The following OTULINL variants were observed in gnomAD, a reference collection of about 807,000 sequenced individuals.
OTULINL encodes the protein inactive ubiquitin thioesterase OTULINL.
A neutral mutation model predicts 43.9 loss-of-function variants in OTULINL; 42 were observed. The ratio of observed to expected loss-of-function variants is 0.96; its 90% CI spans 0.75 to 1.24. The LOEUF (loss-of-function observed/expected upper bound fraction) is 1.24. Among genes scored for constraint, OTULINL ranks in the 50% most tolerant of loss-of-function variants. The pLI is 0.00. For missense variants in OTULINL, 411 were observed against 426.4 expected, an observed-to-expected ratio of 0.96 and a Z score of 0.32; for synonymous variants, 172 against 153.6, an observed-to-expected ratio of 1.12 and a Z score of -0.88.
intron 5 of OTULINL, 118 bp downstream of exon 5, chr5:14,602,450 T>G: frequency 2.1e-6 from 2 of 960,238 alleles, no homozygotes. Flanking sequence ...ATTTTTTTGT[T>G]TTTTTGAGAC....
intron 1 of OTULINL, among the ~76,000 whole-genome samples, chr5:14,591,227 C>G (rs1391771623): frequency 1.3e-5 from 2 of 152,200 alleles, no homozygotes; most frequent in Admixed American, 1.3e-4. Flanking sequence ...CTAAAGATCC[C>G]AGAACTGGCC....
chr5:14,591,993 C>T (rs1759212213), intron 1 of OTULINL, among the ~76,000 whole-genome samples: 1 of 152,052 alleles, frequency 6.6e-6, no homozygotes, highest in Non-Finnish European at 1.5e-5. Flanking sequence ...GGATTGGAGC[C>T]CTGTGTGTAT....
chr5:14,588,583 A>G (rs1298580276), intron 1 of OTULINL, among the ~76,000 whole-genome samples: 1 of 152,222 alleles, frequency 6.6e-6, no homozygotes, highest in Admixed American at 6.5e-5. Context: ...TGGTGGAGTA[A>G]CAGAACAGCC....
chr5:14,602,180 T>C lies in OTULINL; in HGVS notation c.349-3T>C, dbSNP rs777433281. On this transcript the variant is annotated splice_region_variant and splice_polypyrimidine_tract_variant and intron_variant, in intron 4 of 7. Coordinates refer to ENST00000274217, the MANE Select transcript of OTULINL (RefSeq NM_019018.3). ...AAACAACTTTCTCTTTTTATTTTAT[T>C]AGGCTTATGAGGAGCTATTTTGGCG... 1 of 1,566,644 alleles carries C rather than the reference T, an allele frequency of 6.4e-7. No individual in the cohort carries two copies. Among genetic ancestry groups the C allele is most frequent in the East Asian group, 2.3e-5 (1 of 43,572 alleles).
Position 14,609,744 on chromosome 5 carries a change from C to T in OTULINL, c.898-397C>T, listed in dbSNP as rs982567496. Among the ~76,000 whole-genome samples, 36 of 152,052 alleles carry T rather than the reference C, an allele frequency of 2.4e-4. No individual in the cohort carries two copies. In the East Asian group the frequency reaches 6.2e-3, roughly 26 times the overall value. On this transcript the variant is annotated intron_variant, in intron 7 of 7. Transcript: ENST00000274217. ...CTTCCGGGTTCACGCCATTCTCCTG[C>T]CTCAGCCTCCCGAGTAGCTGGGACT... is the stretch of plus-strand genomic sequence containing the variant.
rs997742753 is a variant in OTULINL at position 14,583,210 on chromosome 5, A to T, written c.64+1252A>T. Among the ~76,000 whole-genome samples, 8 of 152,354 alleles carry T rather than the reference A, an allele frequency of 5.3e-5. No individual in the cohort carries two copies. The East Asian group carries it at 1.2e-3, about 22-fold the overall frequency. On this transcript the variant is annotated intron_variant, in intron 1 of 7. Coordinates refer to ENST00000274217, the MANE Select transcript of OTULINL (RefSeq NM_019018.3). The stretch of plus-strand genomic sequence containing the variant: ...ACCTTTCTGGGAGTCAGAGGACATC[A>T]TTCTGATGTGTCCTCATCCATAAAA...
At chr5:14,588,983 G>A (rs887983965) in intron 1 of OTULINL, among the ~76,000 whole-genome samples, 1 of 152,176 alleles carries the variant, frequency 6.6e-6, no homozygotes, top group African/African-American at 2.4e-5. Context: ...GGAGAGAACG[G>A]ACCCTGGGGG....
chr5:14,607,849 C>T (rs1759509167), intron 6 of OTULINL, among the ~76,000 whole-genome samples: 2 of 152,294 alleles, frequency 1.3e-5, no homozygotes, highest in African/African-American at 2.4e-5. Context: ...AGACTTCTTC[C>T]TGTCTTTCAA....
chr5:14,588,321 G>A (rs539984496), intron 1 of OTULINL, among the ~76,000 whole-genome samples: 14 of 152,116 alleles, frequency 9.2e-5, no homozygotes, highest in Non-Finnish European at 1.8e-4. Flanking sequence ...GCTCACAGGG[G>A]AGGAAGCTGA....
Position 14,600,953 on chromosome 5 carries a change from T to C in OTULINL, c.65-12T>C. 8.3e-7 allele frequency: 1 copy of C among 1,206,472 alleles called. No individual in the cohort carries two copies. The highest frequency in any genetic ancestry group is 1.0e-6 in the Non-Finnish European group (1 of 972,370). 74.7% of individuals were successfully genotyped at this position (1,206,472 alleles called of 1,614,324 possible). A position where few individuals can be genotyped will look rare whatever the true frequency, so the allele number is the denominator to read the frequency against. On this transcript the variant is annotated splice_polypyrimidine_tract_variant and intron_variant, in intron 1 of 7. Coordinates refer to ENST00000274217, the MANE Select transcript of OTULINL (RefSeq NM_019018.3). ...TGTGCTTTTTTTTTTTTTTTTTTTG[T>C]AATTTTCATAGGAAGTGACCAAGTT...
At chr5:14,591,080 A>G (rs1250031072) in intron 1 of OTULINL, among the ~76,000 whole-genome samples, 1 of 152,178 alleles carries the variant, frequency 6.6e-6, no homozygotes, top group Non-Finnish European at 1.5e-5. Flanking sequence ...GATTCTGAGT[A>G]ATGGAAAAGT....
chr5:14,594,667 C>G (rs1439889443), intron 1 of OTULINL, among the ~76,000 whole-genome samples: 1 of 152,194 alleles, frequency 6.6e-6, no homozygotes, highest in African/African-American at 2.4e-5. Flanking sequence ...CCTTCCCAGC[C>G]CGTCCCTGTC....
At chr5:14,587,224 G>A (rs999826916) in intron 1 of OTULINL, among the ~76,000 whole-genome samples, 2 of 152,198 alleles carry the variant, frequency 1.3e-5, no homozygotes, top group Non-Finnish European at 2.9e-5. Flanking sequence ...GACCTGTGAC[G>A]AGAAGGCCTC....
intron 1 of OTULINL, among the ~76,000 whole-genome samples, chr5:14,595,502 GT>G (rs1362582944): frequency 6.6e-6 from 1 of 151,486 alleles, no homozygotes; most frequent in Admixed American, 6.6e-5. Flanking sequence ...GTGTCTTTTA[GT>G]TTTGTTTTCA....
At chr5:14,602,126 A>T in intron 4 of OTULINL, 57 bp from the exon 5 acceptor site, 1 of 1,387,486 alleles carries the variant, frequency 7.2e-7, no homozygotes, top group Admixed American at 2.7e-5. Flanking sequence ...CAGTGAATTC[A>T]CTTTATTTTC....
At chr5:14,599,255 G>A (rs1224797371) in intron 1 of OTULINL, among the ~76,000 whole-genome samples, 1 of 152,218 alleles carries the variant, frequency 6.6e-6, no homozygotes, top group African/African-American at 2.4e-5. Flanking sequence ...TTGGGAGGCT[G>A]AGGTGGGCGG....
At position 14,607,471 on chromosome 5, in the gene OTULINL, G is replaced by T; in HGVS notation, c.627+13G>T. On this transcript the variant is annotated intron_variant, in intron 6 of 7. Transcript: ENST00000274217. ...ATTGAAAACACAGGTAAGTGTTTGCGGGGGAAATAAAAAGACTAGGAATAA... is the reference window on the plus strand; with the variant it reads ...ATTGAAAACACAGGTAAGTGTTTGCTGGGGAAATAAAAAGACTAGGAATAA... The T allele has an allele frequency of 6.2e-7, 1 of 1,612,594 alleles. No homozygotes were observed. The highest frequency in any genetic ancestry group is 1.1e-5 in the South Asian group (1 of 90,720).
chr5:14,591,319 A>G lies in OTULINL; in HGVS notation c.64+9361A>G, dbSNP rs377396191. 8.5e-5 allele frequency among the ~76,000 whole-genome samples: 13 copies of G among 152,236 alleles called. No individual in the cohort carries two copies. The East Asian group carries it at 1.2e-3, about 14-fold the overall frequency. ...TACAGATGTCAGAGATTAAAAATAT[A>G]TTTTTCTAAGTCAGCTCAGTGACAT... On this transcript the variant is annotated intron_variant, in intron 1 of 7. Transcript: ENST00000274217.
At position 14,581,800 on chromosome 5, in the gene OTULINL, G is replaced by A. The variant is rs1759000088; in HGVS notation, c.-95G>A. On this transcript the variant is annotated 5_prime_UTR_variant, in exon 1 of 8. Transcript: ENST00000274217. ...CCCGCCCTCCCCAGCCCGCCTCAGGGAAGCGAGCCCGGGCGCCGGCGGGCG... is the reference window on the plus strand; with the variant it reads ...CCCGCCCTCCCCAGCCCGCCTCAGGAAAGCGAGCCCGGGCGCCGGCGGGCG... 8 of 1,056,876 alleles carry A rather than the reference G, an allele frequency of 7.6e-6. No homozygotes were observed. Among genetic ancestry groups the A allele is most frequent in the Non-Finnish European group, 8.6e-6 (7 of 817,374 alleles). The allele number at this position is 1,056,876 out of a possible 1,614,324, so 65.5% of individuals were successfully genotyped here. A position where few individuals can be genotyped will look rare whatever the true frequency, so the allele number is the denominator to read the frequency against.
Sources: allele counts gnomAD v4.1 joint callset (sites outside exome capture counted in the v4.1 genomes callset), GRCh38; gene constraint gnomAD v4.1.1; transcripts MANE v1.5; gene names NCBI Gene and HGNC (gene_info 2026-07-23, HGNC 2026-07-21).